CLASP1: variants seen among roughly 807,000 people sequenced by gnomAD.
CLASP1 encodes the protein CLIP-associating protein 1.
CLASP1 carries 38 observed loss-of-function variants against 192.3 expected under a neutral mutation model. The observed-to-expected ratio is 0.20, with a 90% CI of 0.15 to 0.26. CLASP1 has a LOEUF of 0.26. Among genes scored for constraint, CLASP1 ranks in the 10% least tolerant of loss-of-function variants. The probability of loss-of-function intolerance (pLI) is 1.00; values close to 1 mark genes in which losing one functional copy is unlikely to be tolerated. For missense variants in CLASP1, 1,433 were observed against 1,932.5 expected, an observed-to-expected ratio of 0.74 and a Z score of 4.85; for synonymous variants, 691 against 712.8, an observed-to-expected ratio of 0.97 and a Z score of 0.49.
intron 19 of CLASP1, among the ~76,000 whole-genome samples, chr2:121,438,519 G>A (rs1163696038): frequency 6.6e-6 from 1 of 152,212 alleles, no homozygotes; most frequent in Admixed American, 6.5e-5. Flanking sequence ...TCAGCTCAAG[G>A]TCTTGTGATC....
chr2:121,621,341 C>T (rs1448893597), intron 1 of CLASP1, among the ~76,000 whole-genome samples: 2 of 152,038 alleles, frequency 1.3e-5, no homozygotes, highest in African/African-American at 4.8e-5. Context: ...CACTATGTTG[C>T]CCAGGCTGAT....
At chr2:121,567,736 A>G (rs1419305369) in intron 2 of CLASP1, among the ~76,000 whole-genome samples, 1 of 152,234 alleles carries the variant, frequency 6.6e-6, no homozygotes, top group Non-Finnish European at 1.5e-5. Flanking sequence ...TCTCTACCCT[A>G]ATTATCCTCT....
intron 34 of CLASP1, among the ~76,000 whole-genome samples, chr2:121,375,846 GCTCA>G (rs1415068612): frequency 6.6e-6 from 1 of 152,076 alleles, no homozygotes; most frequent in Non-Finnish European, 1.5e-5. Context: ...TCTGGTTCAG[GCTCA>G]CTATTTTTAT....
rs553411300 is a variant in CLASP1 at position 121,429,988 on chromosome 2, A to T, written c.2017+85T>A. 1.3e-5 allele frequency: 13 copies of T among 1,027,354 alleles called. No individual in the cohort carries two copies. The East Asian group carries it at 2.9e-4, about 23-fold the overall frequency. 63.6% of individuals were successfully genotyped at this position (1,027,354 alleles called of 1,614,324 possible). On this transcript the variant is annotated intron_variant, in intron 20 of 39. Transcript: ENST00000263710. ...AAAATGTGTTTTTCCCTCTGAAGTC[A>T]ATATAGAGATTGTAAAATGTTCAAC...
At chr2:121,418,081 C>G (rs1204601395) in intron 23 of CLASP1, among the ~76,000 whole-genome samples, 1 of 152,130 alleles carries the variant, frequency 6.6e-6, no homozygotes, top group Non-Finnish European at 1.5e-5. Context: ...TTTTGGGGAT[C>G]GACAGTTTAT....
At chr2:121,603,836 T>G (rs1380147239) in intron 2 of CLASP1, among the ~76,000 whole-genome samples, 1 of 152,216 alleles carries the variant, frequency 6.6e-6, no homozygotes, top group Non-Finnish European at 1.5e-5. Context: ...AAACACTACA[T>G]GTTCTCACTC....
At chr2:121,375,501 CTA>C (rs2149312801) in intron 34 of CLASP1, among the ~76,000 whole-genome samples, 1 of 151,678 alleles carries the variant, frequency 6.6e-6, no homozygotes, top group African/African-American at 2.4e-5. Context: ...GTAGCTGGGA[CTA>C]CAGGTGTGCA....
intron 1 of CLASP1, among the ~76,000 whole-genome samples, chr2:121,625,230 A>C (rs1178488719): frequency 1.3e-5 from 2 of 152,178 alleles, no homozygotes; most frequent in African/African-American, 4.8e-5. Flanking sequence ...CAATTATTTC[A>C]ATTTTAAAAT....
In CLASP1 at chr2:121,422,099, TA is replaced by T. The variant is rs1170092475; in HGVS notation, c.2212+3039del. Among the ~76,000 whole-genome samples the T allele has an allele frequency of 2.0e-5, 3 of 152,328 alleles. No individual in the cohort carries two copies. The East Asian group carries it at 5.8e-4, about 29-fold the overall frequency. On this transcript the variant is annotated intron_variant, in intron 22 of 39. Transcript: ENST00000263710. ...CATGAAATGCTGGGAAGCCGTAAGATACCCATTTGATTGGTTTACATTTCTT... is the reference window on the plus strand; with the variant it reads ...CATGAAATGCTGGGAAGCCGTAAGATCCCATTTGATTGGTTTACATTTCTT...
intron 8 of CLASP1, among the ~76,000 whole-genome samples, chr2:121,485,652 T>C (rs2092922637): frequency 6.6e-6 from 1 of 151,914 alleles, no homozygotes; most frequent in Non-Finnish European, 1.5e-5. Context: ...TCACTTGAGG[T>C]CAGGAGTTTG....
At chr2:121,456,915 GC>G (rs2086786276) in intron 14 of CLASP1, among the ~76,000 whole-genome samples, 2 of 152,178 alleles carry the variant, frequency 1.3e-5, no homozygotes, top group Non-Finnish European at 2.9e-5. Context: ...TACTGGAACA[GC>G]TTTAGTGGTA....
intron 10 of CLASP1, among the ~76,000 whole-genome samples, chr2:121,461,875 C>T (rs948171803): frequency 4.6e-5 from 7 of 152,096 alleles, no homozygotes; most frequent in Admixed American, 1.3e-4. Flanking sequence ...TGAGGTTTCG[C>T]CATGTCGCCT....
At chr2:121,608,685 A>G (rs972324833) in intron 1 of CLASP1, among the ~76,000 whole-genome samples, 9 of 152,204 alleles carry the variant, frequency 5.9e-5, no homozygotes, top group African/African-American at 2.2e-4. Context: ...CAGAATTATG[A>G]GAAATAACAT....
chr2:121,378,699 T>C (rs1210658870), intron 33 of CLASP1, among the ~76,000 whole-genome samples: 1 of 152,192 alleles, frequency 6.6e-6, no homozygotes, highest in African/African-American at 2.4e-5. Flanking sequence ...AAAGATCAGA[T>C]GAATTCGTCT....
intron 34 of CLASP1, among the ~76,000 whole-genome samples, chr2:121,376,841 T>C (rs144263008): frequency 6.0e-4 from 91 of 152,314 alleles, no homozygotes; most frequent in African/African-American, 2.1e-3. Context: ...CGAGGGGATC[T>C]AGGTTGCGTG....
chr2:121,510,241 G>GA (rs985784183), intron 7 of CLASP1, among the ~76,000 whole-genome samples: 10 of 151,964 alleles, frequency 6.6e-5, no homozygotes, highest in African/African-American at 2.4e-4. Flanking sequence ...AGGGAAAACA[G>GA]AAAAATCAAT....
chr2:121,441,655 G>GA (rs1340541712), intron 19 of CLASP1, among the ~76,000 whole-genome samples: 2 of 152,022 alleles, frequency 1.3e-5, no homozygotes, highest in Non-Finnish European at 2.9e-5. Context: ...GAGGCAGGAG[G>GA]ATCACTTGAG....
exon 39 of CLASP1, chr2:121,347,089 G>T: frequency 6.3e-7 from 1 of 1,587,328 alleles, no homozygotes; most frequent in African/African-American, 1.3e-5. Flanking sequence ...CTCCGATTAC[G>T]GAATAAATTG....
intron 19 of CLASP1, among the ~76,000 whole-genome samples, chr2:121,445,909 A>G (rs566142964): frequency 1.1e-4 from 16 of 152,204 alleles, no homozygotes; most frequent in Non-Finnish European, 2.1e-4. Flanking sequence ...ACAAATACTA[A>G]TTACAAATAC....
Sources: allele counts gnomAD v4.1 joint callset (sites outside exome capture counted in the v4.1 genomes callset), GRCh38; gene constraint gnomAD v4.1.1; transcripts MANE v1.5; gene names NCBI Gene and HGNC (gene_info 2026-07-23, HGNC 2026-07-21).